PLPPR1: variants seen among roughly 807,000 people sequenced by gnomAD.
PLPPR1 encodes phospholipid phosphatase-related protein type 1.
In PLPPR1, 10 loss-of-function variants were observed where a neutral mutation model predicts 33.1. The observed-to-expected ratio is 0.30, with a 90% confidence interval of 0.19 to 0.51. PLPPR1 has a LOEUF of 0.51. Among genes scored for constraint, PLPPR1 ranks in the 20% least tolerant of loss-of-function variants. The probability of loss-of-function intolerance (pLI) is 0.97; values close to 1 mark genes in which losing one functional copy is unlikely to be tolerated. For synonymous variants in PLPPR1, 151 were observed against 151.0 expected (o/e 1.00, Z 0.00); for missense variants, 304 against 408.1 (o/e 0.74, Z 2.20).
At chr9:101,112,443 A>G (rs1831068410) in intron 1 of PLPPR1, among the ~76,000 whole-genome samples, 1 of 152,210 alleles carries the variant, frequency 6.6e-6, no homozygotes, top group Non-Finnish European at 1.5e-5. Flanking sequence ...GAGTTTGGCT[A>G]TTGTTCTCAT....
chr9:101,285,280 G>T (rs1402930230), intron 3 of PLPPR1, among the ~76,000 whole-genome samples: 1 of 151,300 alleles, frequency 6.6e-6, no homozygotes, highest in Non-Finnish European at 1.5e-5. Context: ...GGATACTAAA[G>T]AGTTATTAAG....
chr9:101,145,625 T>C (rs941651015), intron 1 of PLPPR1, among the ~76,000 whole-genome samples: 1 of 151,994 alleles, frequency 6.6e-6, no homozygotes, highest in Non-Finnish European at 1.5e-5. Context: ...AGGTGATCCA[T>C]CTGCCTCAGC....
chr9:101,259,182 T>C (rs533758783), intron 2 of PLPPR1, among the ~76,000 whole-genome samples: 1 of 151,974 alleles, frequency 6.6e-6, no homozygotes, highest in East Asian at 1.9e-4. Flanking sequence ...GATGTAGTAT[T>C]TGTATTTATT....
chr9:101,089,323 AG>A (rs1830715271), intron 1 of PLPPR1, among the ~76,000 whole-genome samples: 1 of 152,122 alleles, frequency 6.6e-6, no homozygotes, highest in African/African-American at 2.4e-5. Context: ...ATAGATAGAT[AG>A]ATAGATAGTA....
chr9:101,245,638 C>A (rs1827578799), intron 2 of PLPPR1, among the ~76,000 whole-genome samples: 1 of 151,834 alleles, frequency 6.6e-6, no homozygotes, highest in South Asian at 2.1e-4. Flanking sequence ...GAGTAAGAAT[C>A]CACTGGACTT....
rs558329800 is a variant in PLPPR1 at position 101,248,807 on chromosome 9, A to C, written c.64-21073A>C. 7.2e-5 allele frequency among the ~76,000 whole-genome samples: 11 copies of C among 152,194 alleles called. No homozygotes were observed. The East Asian group carries it at 2.1e-3, about 29-fold the overall frequency. ...GTCTGCTTCTCCAAGTGAAACTTTAAATTACTCCAAGCTCTGAGCTTAAGT... is the reference window on the plus strand; with the variant it reads ...GTCTGCTTCTCCAAGTGAAACTTTACATTACTCCAAGCTCTGAGCTTAAGT... On this transcript the variant is annotated intron_variant, in intron 2 of 7. Transcript: ENST00000374874.
intron 1 of PLPPR1, among the ~76,000 whole-genome samples, chr9:101,034,076 A>C (rs1829981266): frequency 6.6e-6 from 1 of 152,038 alleles, no homozygotes; most frequent in African/African-American, 2.4e-5. Flanking sequence ...ATGCGTAACT[A>C]TCAGTCACTT....
At chr9:101,077,679 C>G (rs4743438) in intron 1 of PLPPR1, among the ~76,000 whole-genome samples, 31,927 of 151,956 alleles carry the variant, frequency 0.21, 3,546 homozygotes, top group East Asian at 0.36. Flanking sequence ...CTTAGACAAT[C>G]CCACGAGGAG....
At chr9:101,059,127 C>CT (rs763169856) in intron 1 of PLPPR1, among the ~76,000 whole-genome samples, 24 of 152,134 alleles carry the variant, frequency 1.6e-4, no homozygotes, top group South Asian at 8.3e-4. Context: ...TCTTAAATAA[C>CT]TTTTTTTGTG....
At chr9:101,049,703 T>C (rs139531156) in intron 1 of PLPPR1, among the ~76,000 whole-genome samples, 5 of 152,276 alleles carry the variant, frequency 3.3e-5, no homozygotes, top group Non-Finnish European at 7.4e-5. Context: ...TGGTATACTC[T>C]TTTTCAACAT....
intron 1 of PLPPR1, among the ~76,000 whole-genome samples, chr9:101,073,386 A>G (rs1433920692): frequency 6.6e-6 from 1 of 152,118 alleles, no homozygotes; most frequent in East Asian, 1.9e-4. Context: ...TCAATTGGCA[A>G]CTTTTCAGGG....
chr9:101,228,631 A>C (rs1259088681), intron 2 of PLPPR1, among the ~76,000 whole-genome samples: 1 of 152,210 alleles, frequency 6.6e-6, no homozygotes, highest in Non-Finnish European at 1.5e-5. Flanking sequence ...AAAACTGGAC[A>C]GAGGTTGATA....
chr9:101,121,783 A>G (rs1831180824), intron 1 of PLPPR1, among the ~76,000 whole-genome samples: 1 of 152,212 alleles, frequency 6.6e-6, no homozygotes, highest in East Asian at 1.9e-4. Context: ...GAGTGTGGTC[A>G]AGTAAGACTA....
intron 2 of PLPPR1, among the ~76,000 whole-genome samples, chr9:101,203,783 T>TA (rs1564174724): frequency 1.5e-5 from 1 of 68,676 alleles, no homozygotes; most frequent in African/African-American, 4.6e-5. Context: ...AAGTTATTTT[T>TA]ACTCTAAAAT....
At chr9:101,290,861 G>A (rs1828485898) in intron 4 of PLPPR1, among the ~76,000 whole-genome samples, 1 of 152,238 alleles carries the variant, frequency 6.6e-6, no homozygotes, top group African/African-American at 2.4e-5. Context: ...GAGTGACGCA[G>A]AAGATGGGTG....
At chr9:101,238,814 T>A (rs1827388721) in intron 2 of PLPPR1, among the ~76,000 whole-genome samples, 1 of 151,920 alleles carries the variant, frequency 6.6e-6, no homozygotes, top group Non-Finnish European at 1.5e-5. Context: ...TAGCCATACT[T>A]ATACAGAACA....
chr9:101,156,492 A>G (rs1480730891), intron 1 of PLPPR1, among the ~76,000 whole-genome samples: 1 of 146,596 alleles, frequency 6.8e-6, no homozygotes, highest in Non-Finnish European at 1.5e-5. Context: ...CAGAAGTTGC[A>G]GTGAGCCAAG....
intron 2 of PLPPR1, chr9:101,187,361 C>T (rs1564170083): frequency 6.7e-6 from 1 of 149,308 alleles, no homozygotes; most frequent in Non-Finnish European, 1.5e-5. Context: ...GAATGAAGAG[C>T]TTGGCCGGTG....
At chr9:101,088,592 G>A (rs1830705347) in intron 1 of PLPPR1, among the ~76,000 whole-genome samples, 1 of 152,022 alleles carries the variant, frequency 6.6e-6, no homozygotes, top group Non-Finnish European at 1.5e-5. Context: ...GTTTGGTTCT[G>A]TAATATTGAG....
Sources: allele counts gnomAD v4.1 joint callset (sites outside exome capture counted in the v4.1 genomes callset), GRCh38; gene constraint gnomAD v4.1.1; transcripts MANE v1.5; gene names NCBI Gene and HGNC (gene_info 2026-07-23, HGNC 2026-07-21).